Variants in TSPEAR observed in about 807,000 individuals in gnomAD.
TSPEAR encodes the protein thrombospondin type laminin G domain and EAR repeats.
TSPEAR carries 69 observed loss-of-function variants against 71.6 expected under a neutral mutation model. That is an observed-to-expected ratio of 0.96 (90% CI 0.79 to 1.18). The LOEUF (loss-of-function observed/expected upper bound fraction) is 1.18. Among genes scored for constraint, TSPEAR ranks in the 50% most tolerant of loss-of-function variants. TSPEAR has a pLI of 0.00. For missense variants in TSPEAR, 971 were observed against 894.9 expected (o/e 1.09, Z -1.09); for synonymous variants, 402 against 387.2 (o/e 1.04, Z -0.45).
chr21:44,663,086 A>T (rs1308935138), intron 1 of TSPEAR, among the ~76,000 whole-genome samples: 1 of 145,486 alleles, frequency 6.9e-6, no homozygotes, highest in South Asian at 2.3e-4. Flanking sequence ...AAATTAGCAA[A>T]AGAAATGAAA....
At chr21:44,532,690 G>C (rs1438218956) in intron 3 of TSPEAR, among the ~76,000 whole-genome samples, 1 of 152,116 alleles carries the variant, frequency 6.6e-6, no homozygotes. Context: ...AGACAGAAGC[G>C]CAGCCCTGCT....
intron 3 of TSPEAR, among the ~76,000 whole-genome samples, chr21:44,531,510 T>C (rs587602219): frequency 6.6e-6 from 1 of 152,210 alleles, no homozygotes; most frequent in Admixed American, 6.5e-5. Context: ...TCAGCTTGAC[T>C]TGATGACTGC....
chr21:44,701,749 G>A (rs181686611), intron 1 of TSPEAR, among the ~76,000 whole-genome samples: 2,927 of 87,234 alleles, frequency 0.034, 41 homozygotes, highest in Non-Finnish European at 0.055. Flanking sequence ...ACTCCCCTCC[G>A]GCTGTAAAGC....
At chr21:44,707,622 A>G (rs1450289068) in intron 1 of TSPEAR, among the ~76,000 whole-genome samples, 1 of 152,168 alleles carries the variant, frequency 6.6e-6, no homozygotes, top group Non-Finnish European at 1.5e-5. Flanking sequence ...CTTATAGTTT[A>G]GAATTTTATA....
chr21:44,576,315 G>T (rs1978441429), intron 1 of TSPEAR, among the ~76,000 whole-genome samples: 2 of 150,826 alleles, frequency 1.3e-5, no homozygotes, highest in Middle Eastern at 3.5e-3. Context: ...GGGTGAGGGG[G>T]CATAACTCAT....
chr21:44,592,750 G>T (rs116685105), intron 1 of TSPEAR, among the ~76,000 whole-genome samples: 2 of 152,132 alleles, frequency 1.3e-5, no homozygotes, highest in African/African-American at 4.8e-5. Context: ...AGCTGGGTTC[G>T]GGGAGCTGGG....
At chr21:44,704,760 C>T (rs1369154485) in intron 1 of TSPEAR, among the ~76,000 whole-genome samples, 2 of 152,162 alleles carry the variant, frequency 1.3e-5, no homozygotes, top group Non-Finnish European at 2.9e-5. Flanking sequence ...CATGCGCTGC[C>T]TCCACACCCA....
At chr21:44,577,664 G>T (rs2146094405) in intron 1 of TSPEAR, among the ~76,000 whole-genome samples, 1 of 152,316 alleles carries the variant, frequency 6.6e-6, no homozygotes, top group East Asian at 1.9e-4. Flanking sequence ...CGGGATCATG[G>T]TTCACCATGA....
intron 1 of TSPEAR, chr21:44,697,733 A>G: frequency 2.5e-6 from 4 of 1,613,730 alleles, no homozygotes; most frequent in Non-Finnish European, 3.4e-6. Flanking sequence ...CCAGCAGTCT[A>G]GCTGCCAGCC....
Position 44,616,920 on chromosome 21 carries a change from G to A in TSPEAR, c.83-48915C>T, listed in dbSNP as rs183589085. Among the ~76,000 whole-genome samples, 69 of 152,346 alleles carry A rather than the reference G, an allele frequency of 4.5e-4. 1 individual carries two copies. Among genetic ancestry groups the A allele is most frequent in the Middle Eastern group, 6.8e-3 (2 of 294 alleles). The stretch of plus-strand genomic sequence containing the variant: ...GCGAATTCAACACAGCCCCAAGGCT[G>A]GGCTAAAAGTTCCTGGGAGGAACAC... On this transcript the variant is annotated intron_variant, in intron 1 of 11. Coordinates refer to ENST00000323084, the MANE Select transcript of TSPEAR (RefSeq NM_144991.3).
chr21:44,581,257 C>T (rs1195882729), intron 1 of TSPEAR, among the ~76,000 whole-genome samples: 3 of 152,226 alleles, frequency 2.0e-5, no homozygotes, highest in Non-Finnish European at 4.4e-5. Context: ...TTTATTTCCT[C>T]ATGGTGACAG....
intron 1 of TSPEAR, among the ~76,000 whole-genome samples, chr21:44,594,823 T>TA (rs1980252353): frequency 1.4e-4 from 1 of 7,380 alleles, no homozygotes; most frequent in Admixed American, 1.1e-3. Flanking sequence ...GGATCTGTGA[T>TA]TTTTTTTTTT....
chr21:44,708,419 G>T (rs905772009), intron 1 of TSPEAR, among the ~76,000 whole-genome samples: 5 of 152,138 alleles, frequency 3.3e-5, no homozygotes, highest in African/African-American at 4.8e-5. Flanking sequence ...CACTCCCTTA[G>T]GCGCTGAAGT....
At chr21:44,532,290 C>T (rs141644594) in intron 3 of TSPEAR, among the ~76,000 whole-genome samples, 4 of 152,382 alleles carry the variant, frequency 2.6e-5, no homozygotes, top group Admixed American at 6.5e-5. Context: ...GGCAGGTGAA[C>T]GTTTGTCCAG....
At chr21:44,536,019 G>C (rs1555916346) in intron 2 of TSPEAR, among the ~76,000 whole-genome samples, 1 of 152,178 alleles carries the variant, frequency 6.6e-6, no homozygotes, top group Non-Finnish European at 1.5e-5. Context: ...CTTACCCTCA[G>C]GTTGGGAGAC....
At chr21:44,621,195 G>A (rs1555933446) in intron 1 of TSPEAR, among the ~76,000 whole-genome samples, 1 of 152,118 alleles carries the variant, frequency 6.6e-6, no homozygotes, top group East Asian at 1.9e-4. Flanking sequence ...CATTTTTCAA[G>A]TCCTCTATTT....
At chr21:44,574,463 G>C in intron 1 of TSPEAR, 1 of 1,603,420 alleles carries the variant, frequency 6.2e-7, no homozygotes, top group Non-Finnish European at 8.5e-7. Context: ...TCTGCTGCAA[G>C]ACTGTCTGCT....
intron 1 of TSPEAR, chr21:44,676,930 A>C (rs1555946971): frequency 1.1e-6 from 1 of 880,250 alleles, no homozygotes; most frequent in African/African-American, 1.6e-5. Context: ...ACGGGCAATC[A>C]GGGAGTTCAG....
chr21:44,584,141 C>T (rs184617633), intron 1 of TSPEAR, among the ~76,000 whole-genome samples: 7 of 152,310 alleles, frequency 4.6e-5, no homozygotes, highest in African/African-American at 1.4e-4. Context: ...TCTGCTTTGC[C>T]GAGCTTGGCT....
Sources: allele counts gnomAD v4.1 joint callset (sites outside exome capture counted in the v4.1 genomes callset), GRCh38; gene constraint gnomAD v4.1.1; transcripts MANE v1.5; gene names NCBI Gene and HGNC (gene_info 2026-07-23, HGNC 2026-07-21).